The following UNC45A variants were observed in gnomAD, a reference collection of about 807,000 sequenced individuals.
The protein encoded by UNC45A is unc-45 myosin chaperone A.
UNC45A carries 78 observed loss-of-function variants against 103.2 expected under a neutral mutation model. The ratio of observed to expected loss-of-function variants is 0.76; its 90% confidence interval spans 0.63 to 0.91. The LOEUF (loss-of-function observed/expected upper bound fraction) is 0.91, where lower values mean the gene tolerates loss of function less well. Ranked by LOEUF, UNC45A falls within the 40% of genes least tolerant of loss-of-function variation. The pLI is 0.00. For synonymous variants in UNC45A, 495 were observed against 504.6 expected (o/e 0.98, Z 0.25); for missense variants, 1,193 against 1,224.8 (o/e 0.97, Z 0.39).
chr15:90,931,389 T>C, upstream of UNC45A: 1 of 1,568,550 alleles, frequency 6.4e-7, no homozygotes, highest in Non-Finnish European at 8.7e-7. Context: ...ATTCCTGGAC[T>C]CGATGTTCTG....
At chr15:90,952,248 A>G (rs1437670388) in intron 17 of UNC45A, 1 of 152,290 alleles carries the variant, frequency 6.6e-6, no homozygotes, top group Non-Finnish European at 1.5e-5. Context: ...TAATTTATAA[A>G]GAAAAGAGAT....
At chr15:90,945,665 C>G (rs1477893184) in intron 9 of UNC45A, among the ~76,000 whole-genome samples, 1 of 142,460 alleles carries the variant, frequency 7.0e-6, no homozygotes. Flanking sequence ...GAGTTTCGCT[C>G]TTGTTGCCCA....
chr15:90,935,717 T>A lies in UNC45A; in HGVS notation c.213+12T>A. The A allele has an allele frequency of 6.5e-7, 1 of 1,547,500 alleles. No homozygotes were observed. On this transcript the variant is annotated intron_variant, in intron 2 of 19. Transcript: ENST00000418476. ...GCCACCTCAAGCTGGTGAGGGAGCC[T>A]GGCGCTCTTCCCCTCGCCCGCCCGG...
rs749982127 is a variant in UNC45A at position 90,948,779 on chromosome 15, C to T, written c.1863C>T (p.Pro621=). 75 of 1,607,032 alleles carry T rather than the reference C, an allele frequency of 4.7e-5. No homozygotes were observed. Among genetic ancestry groups the T allele is most frequent in the Middle Eastern group, 1.8e-4 (1 of 5,542 alleles). ...CCAAGTATGCCAAGCAGCATGTGCC[C>T]GAGCAGCACCCCAAGGTGAGGGGCC... The part of the protein sequence containing the change: ...ELAKYAKQHV[P]EQHPKDKPSF... Residue 621 remains proline, a synonymous_variant, in exon 13 of 20, where the codon CCC becomes CCT. Coordinates refer to ENST00000418476, the MANE Select transcript of UNC45A (RefSeq NM_018671.5).
At position 90,950,605 on chromosome 15, in the gene UNC45A, G is replaced by C; in HGVS notation, c.2293G>C (p.Glu765Gln). ...MALTNLAGIS[E>Q]RLRQKILKEK... ...CCTAACAAACCTGGCTGGGATCAGC[G>C]AGAGGCTCCGGTAAGGTCCCTTGGG... is the stretch of plus-strand genomic sequence containing the variant. Residue 765 changes from glutamate (E) to glutamine (Q), a missense_variant, in exon 17 of 20, where the codon GAG (glutamate) becomes CAG (glutamine). Physicochemically the swap from Glu to Gln is conservative, Grantham distance 29 (BLOSUM62 2). Coordinates refer to ENST00000418476, the MANE Select transcript of UNC45A (RefSeq NM_018671.5). 6.2e-7 allele frequency: 1 copy of C among 1,614,118 alleles called. No individual in the cohort carries two copies. Among genetic ancestry groups the C allele is most frequent in the Non-Finnish European group, 8.5e-7 (1 of 1,180,004 alleles).
At chr15:90,934,848 C>A (rs1426359714), upstream of UNC45A, 4 of 418,448 alleles carry the variant, frequency 9.6e-6, no homozygotes, top group Middle Eastern at 1.2e-3. Context: ...GAGTCCTGAG[C>A]TTTCTCCGGA....
At chr15:90,949,957 GC>G in intron 15 of UNC45A, 196 bp from the exon 16 acceptor site, 1 of 667,034 alleles carries the variant, frequency 1.5e-6, no homozygotes, top group Non-Finnish European at 2.6e-6. Flanking sequence ...TACCCCCATG[GC>G]CCTGGTGCTC....
intron 11 of UNC45A, 45 bp from the exon 12 acceptor site, chr15:90,948,097 G>A (rs750307120): frequency 2.8e-5 from 45 of 1,609,498 alleles, no homozygotes; most frequent in Admixed American, 1.7e-4. Flanking sequence ...GTACCCCTCC[G>A]TACCCCCAAT....
At chr15:90,945,919 C>A (rs2036541380) in intron 9 of UNC45A, among the ~76,000 whole-genome samples, 1 of 66 alleles carries the variant, frequency 0.015, no homozygotes, top group Admixed American at 0.1. Context: ...GGATTACAGG[C>A]ATGAGGACCG....
At chr15:90,931,332 G>C (rs768487452), upstream of UNC45A, 20 of 1,551,744 alleles carry the variant, frequency 1.3e-5, no homozygotes, top group Non-Finnish European at 1.4e-5. Context: ...CCAGTTGCCG[G>C]TTTGTTCCCT....
At position 90,953,521 on chromosome 15, in the gene UNC45A, C is replaced by T. The variant is rs775246840; in HGVS notation, c.2640C>T (p.His880=). 2 of 1,613,992 alleles carry T rather than the reference C, an allele frequency of 1.2e-6. No homozygotes were observed. Among genetic ancestry groups the T allele is most frequent in the East Asian group, 2.2e-5 (1 of 44,882 alleles). The part of the protein sequence containing the change: ...LLLSSNQELQ[H]RGAVVVLNMV... ...TGAGCTCCAACCAGGAGCTGCAGCA[C>T]CGGGGTGCTGTGGTGGTGCTGAACA... Residue 880 remains histidine, a synonymous_variant, in exon 20 of 20, where the codon CAC becomes CAT. Transcript: ENST00000418476.
At chr15:90,945,176 G>T in intron 9 of UNC45A, 113 bp downstream of exon 9, 1 of 1,410,620 alleles carries the variant, frequency 7.1e-7, no homozygotes, top group South Asian at 1.4e-5. Flanking sequence ...TCTTGGGGAG[G>T]ACTAGTTGGA....
At chr15:90,948,415 C>G in intron 12 of UNC45A, 132 bp downstream of exon 12, 1 of 1,409,760 alleles carries the variant, frequency 7.1e-7, no homozygotes, top group South Asian at 1.3e-5. Flanking sequence ...AGTGGCTGCT[C>G]TGTGTAGTGT....
At chr15:90,944,854 A>G in intron 8 of UNC45A, 38 bp from the exon 9 acceptor site, 1 of 1,592,856 alleles carries the variant, frequency 6.3e-7, no homozygotes. Flanking sequence ...TAGGGGTTGG[A>G]ACTAGTGTTC....
intron 12 of UNC45A, 165 bp from the exon 13 acceptor site, chr15:90,948,489 C>G: frequency 7.6e-7 from 1 of 1,313,592 alleles, no homozygotes; most frequent in Middle Eastern, 2.6e-4. Context: ...CTGGGGAGGT[C>G]AAGTTTGTAA....
intron 12 of UNC45A, 157 bp downstream of exon 12, chr15:90,948,440 G>A: frequency 2.3e-6 from 3 of 1,288,182 alleles, no homozygotes; most frequent in African/African-American, 1.5e-5. Flanking sequence ...ATGTTGGCCA[G>A]CACCAGTGGT....
rs2037054839 is a variant in UNC45A at position 90,953,554 on chromosome 15, G to A, written c.2673G>A (p.Glu891=). ...RGAVVVLNMV[E]ASREIASTLM... is the part of the protein sequence containing the mutation. ...CTGTGGTGGTGCTGAACATGGTGGAGGCCTCGAGGGAGATTGCCAGCACCC... is the reference window on the plus strand; with the variant it reads ...CTGTGGTGGTGCTGAACATGGTGGAAGCCTCGAGGGAGATTGCCAGCACCC... Residue 891 remains glutamate (E), a synonymous_variant, in exon 20 of 20, where the codon GAG becomes GAA. Coordinates refer to ENST00000418476, the MANE Select transcript of UNC45A (RefSeq NM_018671.5). The A allele has an allele frequency of 6.2e-7, 1 of 1,614,162 alleles. No homozygotes were observed. The highest frequency in any genetic ancestry group is 8.5e-7 in the Non-Finnish European group (1 of 1,180,048).
intron 4 of UNC45A, among the ~76,000 whole-genome samples, chr15:90,938,957 C>T (rs2036153830): frequency 6.6e-6 from 1 of 151,936 alleles, no homozygotes; most frequent in Admixed American, 6.6e-5. Flanking sequence ...CAGGCGTGAG[C>T]CACCGTGCCT....
At chr15:90,931,631 G>T, upstream of UNC45A, 1 of 1,613,882 alleles carries the variant, frequency 6.2e-7, no homozygotes, top group Non-Finnish European at 8.5e-7. Context: ...TTTTTCAGGG[G>T]AACTGACCAA....
Sources: gnomAD v4.1 joint callset for allele counts (sites outside exome capture counted in the v4.1 genomes callset) on GRCh38, gnomAD v4.1.1 for gene constraint, MANE v1.5 for transcripts, NCBI Gene and HGNC (gene_info 2026-07-23, HGNC 2026-07-21) for gene names.